ALDH9A1: variants seen among roughly 807,000 people sequenced by gnomAD.
The protein encoded by ALDH9A1 is aldehyde dehydrogenase 9 family member A1.
In ALDH9A1, 42 loss-of-function variants were observed where a neutral mutation model predicts 56.6. The observed-to-expected ratio is 0.74, with a 90% CI of 0.58 to 0.96. ALDH9A1 has a LOEUF of 0.96. ALDH9A1 is among the 40% of genes least tolerant of loss of function. ALDH9A1 has a pLI of 0.00. For synonymous variants in ALDH9A1, 242 were observed against 236.0 expected (o/e 1.03, Z -0.23); for missense variants, 661 against 651.5 (o/e 1.01, Z -0.16).
chr1:165,666,003 C>A (rs940249209), intron 9 of ALDH9A1, among the ~76,000 whole-genome samples: 1 of 151,994 alleles, frequency 6.6e-6, no homozygotes, highest in African/African-American at 2.4e-5. Flanking sequence ...TGAAAACAAC[C>A]CAAATGCCTG....
chr1:165,683,261 A>G, intron 2 of ALDH9A1, 151 bp from the exon 3 acceptor site: 3 of 834,244 alleles, frequency 3.6e-6, no homozygotes, highest in Admixed American at 2.4e-5. Context: ...TTTAGAAGAG[A>G]GATAAAGGCT....
At chr1:165,673,235 C>A (rs991862617) in intron 6 of ALDH9A1, among the ~76,000 whole-genome samples, 1 of 151,880 alleles carries the variant, frequency 6.6e-6, no homozygotes. Flanking sequence ...AAATGCAAAT[C>A]AAAATCACAA....
chr1:165,693,871 A>G (rs974567655), intron 2 of ALDH9A1, among the ~76,000 whole-genome samples: 1 of 152,170 alleles, frequency 6.6e-6, no homozygotes, highest in Non-Finnish European at 1.5e-5. Flanking sequence ...TATACCATGG[A>G]ATACTATGCA....
chr1:165,664,881 C>A, intron 10 of ALDH9A1, 137 bp downstream of exon 10: 1 of 655,026 alleles, frequency 1.5e-6, no homozygotes, highest in Non-Finnish European at 2.7e-6. Context: ...TACAGTGGAT[C>A]TGGGGAAGGA....
intron 2 of ALDH9A1, among the ~76,000 whole-genome samples, chr1:165,685,639 C>T (rs1036898591): frequency 2.6e-5 from 4 of 151,996 alleles, no homozygotes; most frequent in South Asian, 2.1e-4. Context: ...ACATGGTAAA[C>T]GAGGAAGGAC....
intron 6 of ALDH9A1, among the ~76,000 whole-genome samples, chr1:165,679,051 T>A (rs1487334173): frequency 6.6e-6 from 1 of 152,222 alleles, no homozygotes; most frequent in Non-Finnish European, 1.5e-5. Context: ...GGGCTATAGA[T>A]TGAGTAAGGG....
At chr1:165,694,734 A>G (rs1650010988) in intron 2 of ALDH9A1, among the ~76,000 whole-genome samples, 1 of 152,178 alleles carries the variant, frequency 6.6e-6, no homozygotes, top group Non-Finnish European at 1.5e-5. Context: ...ATGTGGGTGG[A>G]TCACTTGAGG....
intron 4 of ALDH9A1, 68 bp downstream of exon 4, chr1:165,682,039 A>C (rs1649567065): frequency 1.3e-6 from 2 of 1,577,614 alleles, no homozygotes; most frequent in Non-Finnish European, 8.6e-7. Context: ...TGAAAGGTAG[A>C]GAATGGGGAG....
intron 6 of ALDH9A1, among the ~76,000 whole-genome samples, chr1:165,669,760 CA>C (rs1453643578): frequency 6.6e-6 from 1 of 151,924 alleles, no homozygotes; most frequent in Non-Finnish European, 1.5e-5. Context: ...TTCCTCATAT[CA>C]GGGCTCAATC....
chr1:165,674,268 A>T (rs1247236180), intron 6 of ALDH9A1, among the ~76,000 whole-genome samples: 2 of 137,304 alleles, frequency 1.5e-5, no homozygotes, highest in Admixed American at 1.6e-4. Flanking sequence ...CTGCCTATGG[A>T]GTAGGCATTC....
rs573007942 is a variant in ALDH9A1, at chr1:165,665,251, A to C, written c.1350-121T>G. Reference sequence around the variant, plus strand: ...CTTACTAAATTCTCATTTCTTCAAAATGTTTTAAAATCTTTTATCATCCAG... The same window carrying C: ...CTTACTAAATTCTCATTTCTTCAAACTGTTTTAAAATCTTTTATCATCCAG... On this transcript the variant is annotated intron_variant, in intron 9 of 10. Transcript: ENST00000354775. 6 of 782,950 alleles carry C rather than the reference A, an allele frequency of 7.7e-6. No individual in the cohort carries two copies. The South Asian group carries it at 8.9e-5, about 12-fold the overall frequency. The allele number at this position is 782,950 out of a possible 1,614,324, so 48.5% of individuals were successfully genotyped here.
At chr1:165,664,556 T>C (rs1268600030) in intron 10 of ALDH9A1, among the ~76,000 whole-genome samples, 1 of 152,202 alleles carries the variant, frequency 6.6e-6, no homozygotes, top group African/African-American at 2.4e-5. Flanking sequence ...ATGATAAATT[T>C]AAAGATTTTG....
At chr1:165,695,499 TTTTTTTTTTTTC>T (rs1650049116) in intron 1 of ALDH9A1, 102 bp from the exon 2 acceptor site, 11 of 959,894 alleles carry the variant, frequency 1.1e-5, no homozygotes, top group South Asian at 2.2e-5. Flanking sequence ...TTTTTTTTTT[TTTTTTTTTTTTC>T]TTGAGATGGA....
rs540347619 is a variant in ALDH9A1, at chr1:165,665,515, C to T, written c.1350-385G>A. ...ATGTCAGACTGAGAACTATAAAACT[C>T]TTTGAAGAAAACAGAGGAATAAATC... is the stretch of plus-strand genomic sequence containing the variant. On this transcript the variant is annotated intron_variant, in intron 9 of 10. Transcript: ENST00000354775. 2.6e-5 allele frequency among the ~76,000 whole-genome samples: 4 copies of T among 152,240 alleles called. No individual in the cohort carries two copies. The East Asian group carries it at 7.7e-4, about 29-fold the overall frequency.
chr1:165,694,712 T>C (rs183861346), intron 2 of ALDH9A1, among the ~76,000 whole-genome samples: 79 of 152,260 alleles, frequency 5.2e-4, no homozygotes, highest in Middle Eastern at 3.4e-3. Context: ...ATCCCAGCAT[T>C]TTGTGAGGCC....
intron 2 of ALDH9A1, among the ~76,000 whole-genome samples, chr1:165,693,075 T>A (rs1649947028): frequency 6.6e-6 from 1 of 152,006 alleles, no homozygotes; most frequent in Non-Finnish European, 1.5e-5. Flanking sequence ...CAAGATGGAT[T>A]AAAGACTTAA....
In ALDH9A1 at chr1:165,698,407, C is replaced by G; in HGVS notation, c.152G>C (p.Gly51Ala). ...GARVEPADAS[G>A]TEKAFEPATG... ...TGCTGGCTCGAAAGCTTTCTCGGTA[C>G]CGGAGGCGTCCGCCGGCTCCACGCG... The change falls in exon 1 of 11, where the codon GGT becomes GCT. Residue 51 changes from glycine to alanine, a missense_variant. By Grantham distance (60) the Gly-to-Ala change is moderately conservative. Transcript: ENST00000354775. 1 of 1,605,560 alleles carries G rather than the reference C, an allele frequency of 6.2e-7. No individual in the cohort carries two copies. The highest frequency in any genetic ancestry group is 8.5e-7 in the Non-Finnish European group (1 of 1,177,046).
chr1:165,696,686 C>T (rs1036743563), intron 1 of ALDH9A1, among the ~76,000 whole-genome samples: 1 of 152,158 alleles, frequency 6.6e-6, no homozygotes, highest in African/African-American at 2.4e-5. Flanking sequence ...TGTACTGCCT[C>T]TACCAACAAG....
At chr1:165,689,266 A>G (rs938562064) in intron 2 of ALDH9A1, among the ~76,000 whole-genome samples, 1 of 152,242 alleles carries the variant, frequency 6.6e-6, no homozygotes, top group Non-Finnish European at 1.5e-5. Context: ...CAAGCAAAGG[A>G]CACTGACGAG....
Sources: gnomAD v4.1 joint callset for allele counts (sites outside exome capture counted in the v4.1 genomes callset) on GRCh38, gnomAD v4.1.1 for gene constraint, MANE v1.5 for transcripts, NCBI Gene and HGNC (gene_info 2026-07-23, HGNC 2026-07-21) for gene names.